Variants in EIF3G observed in about 807,000 individuals in gnomAD.
EIF3G encodes the protein eukaryotic translation initiation factor 3 subunit G.
Under a neutral mutation model 41.7 loss-of-function variants are expected in EIF3G, and 10 were observed. The observed-to-expected ratio is 0.24, with a 90% CI of 0.15 to 0.41. The LOEUF is 0.41. EIF3G is among the 10% of genes least tolerant of loss of function. The pLI is 1.00. For missense variants in EIF3G, 297 were observed against 444.0 expected, an observed-to-expected ratio of 0.67 and a Z score of 2.98; for synonymous variants, 204 against 172.5, an observed-to-expected ratio of 1.18 and a Z score of -1.43.
Position 10,119,888 on chromosome 19 carries a change from G to A in EIF3G, c.-29C>T, listed in dbSNP as rs769820374. 1.8e-5 allele frequency: 29 copies of A among 1,614,078 alleles called. No homozygotes were observed. Among genetic ancestry groups the A allele is most frequent in the Middle Eastern group, 1.7e-4 (1 of 6,050 alleles). On this transcript the variant is annotated 5_prime_UTR_variant, in exon 1 of 11. Transcript: ENST00000253108. ...AAAAAGTATTCTCCACGCAGCCCAAGCCCGGCCAGAGAGCGGAAGCGGGCG... is the reference window on the plus strand; with the variant it reads ...AAAAAGTATTCTCCACGCAGCCCAAACCCGGCCAGAGAGCGGAAGCGGGCG...
At position 10,116,634 on chromosome 19, in the gene EIF3G, C is replaced by G; in HGVS notation, c.595+166G>C. 1.5e-6 allele frequency: 1 copy of G among 669,154 alleles called. No individual in the cohort carries two copies. 41.5% of individuals were successfully genotyped at this position (669,154 alleles called of 1,614,324 possible). On this transcript the variant is annotated intron_variant, in intron 7 of 10. Coordinates refer to ENST00000253108, the MANE Select transcript of EIF3G (RefSeq NM_003755.5). This position sits in a 1 kb window ranked among gnomAD's most constrained non-coding sequence, Gnocchi z 4.1. ...CAAGTCGCACATATATGGGAGACGCCCGTCTCCCAACCATAGGAGGTACAG... is the reference window on the plus strand; with the variant it reads ...CAAGTCGCACATATATGGGAGACGCGCGTCTCCCAACCATAGGAGGTACAG...
chr19:10,116,054 T>C lies in EIF3G; in HGVS notation c.616A>G (p.Thr206Ala). The C allele has an allele frequency of 6.2e-7, 1 of 1,613,934 alleles. No individual in the cohort carries two copies. The highest frequency in any genetic ancestry group is 8.5e-7 in the Non-Finnish European group (1 of 1,179,906). Residue 206 changes from threonine (T) to alanine (A), a missense_variant, in exon 8 of 11, where the codon ACG becomes GCG. Physicochemically the swap from Thr to Ala is moderately conservative, Grantham distance 58. Around this residue, in one of 4 missense-constraint regions of EIF3G, gnomAD observed 33 missense variants for 30.3 expected, o/e 1.09. Coordinates refer to ENST00000253108, the MANE Select transcript of EIF3G (RefSeq NM_003755.5). The surrounding 1 kb of genome is among the most constrained non-coding windows in gnomAD (Gnocchi z 4.1). ...ACATACTTCCCTGTCTTGTTCTGCG[T>C]GGCCTGCACCGGCTCTAGCTCTGGG... ...LPGELEPVQA[T>A]QNKTGKYVPP...
chr19:10,117,855 G>T (rs555062183), intron 5 of EIF3G, among the ~76,000 whole-genome samples: 48 of 152,220 alleles, frequency 3.2e-4, no homozygotes, highest in East Asian at 2.9e-3. Context: ...AGGAGCTGGA[G>T]ACCAGCCTGG....
rs1381280326 is a variant in EIF3G at position 10,116,921 on chromosome 19, G to A, written c.474C>T (p.Arg158=). 1.9e-6 allele frequency: 3 copies of A among 1,613,874 alleles called. No homozygotes were observed. Among genetic ancestry groups the A allele is most frequent in the Non-Finnish European group, 2.5e-6 (3 of 1,179,916 alleles). The part of the protein sequence containing the change: ...KLKGQKIVSC[R]ICKGDHWTTR... ...TGGTCCAGTGGTCGCCCTTGCAGAT[G>A]CGGCAGGACACGATCTTCTGGCCCT... Residue 158 remains arginine (R), a synonymous_variant, in exon 7 of 11, where the codon CGC becomes CGT. Transcript: ENST00000253108. This position sits in a 1 kb window ranked among gnomAD's most constrained non-coding sequence, Gnocchi z 4.1.
In EIF3G at chr19:10,116,526, G is replaced by A. The variant is rs905286556; in HGVS notation, c.595+274C>T. On this transcript the variant is annotated intron_variant, in intron 7 of 10. Transcript: ENST00000253108. This position sits in a 1 kb window ranked among gnomAD's most constrained non-coding sequence, Gnocchi z 4.1. Reference sequence around the variant, plus strand: ...CACTATACACACAGTGCGCACACACGATGTGGGGTGGTCAGCACCCTGGGG... The same window carrying A: ...CACTATACACACAGTGCGCACACACAATGTGGGGTGGTCAGCACCCTGGGG... 3.7e-5 allele frequency: 19 copies of A among 514,840 alleles called. No individual in the cohort carries two copies. Among genetic ancestry groups the A allele is most frequent in the East Asian group, 1.6e-4 (5 of 32,216 alleles). The allele number at this position is 514,840 out of a possible 1,614,324, so 31.9% of individuals were successfully genotyped here.
chr19:10,119,142 C>A lies in EIF3G; in HGVS notation c.97G>T (p.Gly33Trp). The A allele has an allele frequency of 6.3e-7, 1 of 1,597,052 alleles. No homozygotes were observed. The highest frequency in any genetic ancestry group is 2.3e-5 in the East Asian group (1 of 44,116). Residue 33 changes from glycine (G) to tryptophan (W), a missense_variant, in exon 3 of 11, where the codon GGG (glycine) becomes TGG (tryptophan). Gly to Trp is a radical substitution (Grantham distance 184). Transcript: ENST00000253108. ...GTGTCACCTGTGGCCAGAGGGATCC[C>A]CTTGAGGAGCTCGCTGGTGACACAT... Reference protein sequence around the residue: ...DKCVTSELLKGIPLATGDTSP... With the variant: ...DKCVTSELLKWIPLATGDTSP...
At position 10,116,058 on chromosome 19, in the gene EIF3G, C is replaced by T; in HGVS notation, c.612G>A (p.Gln204=). Residue 204 remains glutamine, a synonymous_variant, in exon 8 of 11, where the codon CAG becomes CAA. Transcript: ENST00000253108. This position sits in a 1 kb window ranked among gnomAD's most constrained non-coding sequence, Gnocchi z 4.1. ...ACTTCCCTGTCTTGTTCTGCGTGGC[C>T]TGCACCGGCTCTAGCTCTGGGGACC... ...EKLPGELEPV[Q]ATQNKTGKYV... 1 of 1,613,930 alleles carries T rather than the reference C, an allele frequency of 6.2e-7. No individual in the cohort carries two copies.
Position 10,116,692 on chromosome 19 carries a change from G to C in EIF3G, c.595+108C>G. The C allele has an allele frequency of 1.7e-6, 2 of 1,187,800 alleles. No homozygotes were observed. The highest frequency in any genetic ancestry group is 3.1e-5 in the South Asian group (2 of 65,210). The allele number at this position is 1,187,800 out of a possible 1,614,324, so 73.6% of individuals were successfully genotyped here. ...GGAAGGCACAGACGCCCCGAGGAGA[G>C]TCTGGCACCATCAAACCCGCTGCAC... is the stretch of plus-strand genomic sequence containing the variant. On this transcript the variant is annotated intron_variant, in intron 7 of 10. Transcript: ENST00000253108. This position sits in a 1 kb window ranked among gnomAD's most constrained non-coding sequence, Gnocchi z 4.1.
At chr19:10,119,203 G>A (rs1377433948) in intron 2 of EIF3G, 32 bp from the exon 3 acceptor site, 3 of 1,554,596 alleles carry the variant, frequency 1.9e-6, no homozygotes, top group East Asian at 2.4e-5. Flanking sequence ...GGAGGAGTCA[G>A]CTCCAGGGGC....
At chr19:10,119,567 A>C (rs763234430) in intron 2 of EIF3G, 87 bp downstream of exon 2, 111 of 1,472,894 alleles carry the variant, frequency 7.5e-5, no homozygotes, top group Non-Finnish European at 1.0e-4. Flanking sequence ...GACGGGGTAC[A>C]CGGTGCCAGA....
intron 5 of EIF3G, 73 bp from the exon 6 acceptor site, chr19:10,117,261 C>G: frequency 9.2e-7 from 1 of 1,087,918 alleles, no homozygotes; most frequent in East Asian, 2.5e-5. Context: ...TGCCCTAGAC[C>G]TACAACAGCC....
rs535218589 is a variant in EIF3G, at chr19:10,116,721, C to G, written c.595+79G>C. On this transcript the variant is annotated intron_variant, in intron 7 of 10. Coordinates refer to ENST00000253108, the MANE Select transcript of EIF3G (RefSeq NM_003755.5). The surrounding 1 kb of genome is among the most constrained non-coding windows in gnomAD (Gnocchi z 4.1). ...GGCACCATCAAACCCGCTGCACTGTCGTGCGGGAGATGACAGCACGAAGGC... is the reference window on the plus strand; with the variant it reads ...GGCACCATCAAACCCGCTGCACTGTGGTGCGGGAGATGACAGCACGAAGGC... 1 of 1,407,778 alleles carries G rather than the reference C, an allele frequency of 7.1e-7. No homozygotes were observed. The highest frequency in any genetic ancestry group is 9.6e-7 in the Non-Finnish European group (1 of 1,044,916). 87.2% of individuals were successfully genotyped at this position (1,407,778 alleles called of 1,614,324 possible).
rs545097687 is a variant in EIF3G at position 10,118,853 on chromosome 19, A to AC, written c.240+14dup. 11 of 1,603,812 alleles carry AC rather than the reference A, an allele frequency of 6.9e-6. No individual in the cohort carries two copies. The highest frequency in any genetic ancestry group is 6.7e-5 in the East Asian group (3 of 44,648). On this transcript the variant is annotated intron_variant, in intron 4 of 10. Transcript: ENST00000253108. Reference sequence around the variant, plus strand: ...AAGCACAAGGGTCCCCACTCCCTGCACCCCCCACCCTCACCTTGAACTTCT... The same window carrying AC: ...AAGCACAAGGGTCCCCACTCCCTGCACCCCCCCACCCTCACCTTGAACTTCT...
At position 10,116,379 on chromosome 19, in the gene EIF3G, G is replaced by A; in HGVS notation, c.596-305C>T. ...AACGGCAGACATGGGACACACAACA[G>A]GAACAGCGCCCAGGTCCCCCTCGCG... On this transcript the variant is annotated intron_variant, in intron 7 of 10. Transcript: ENST00000253108. The surrounding 1 kb of genome is among the most constrained non-coding windows in gnomAD (Gnocchi z 4.1). 1.9e-6 allele frequency: 1 copy of A among 527,848 alleles called. No individual in the cohort carries two copies. Among genetic ancestry groups the A allele is most frequent in the African/African-American group, 1.9e-5 (1 of 52,490 alleles). 32.7% of individuals were successfully genotyped at this position (527,848 alleles called of 1,614,324 possible).
intron 5 of EIF3G, chr19:10,117,568 A>C: frequency 9.6e-6 from 2 of 208,414 alleles, no homozygotes; most frequent in Non-Finnish European, 9.5e-6. Flanking sequence ...GGAACCACAA[A>C]AGCTTCCTGC....
rs28510792 is a variant in EIF3G, at chr19:10,116,025, C to T, written c.645G>A (p.Pro215=). 6.0e-3 allele frequency: 9,684 copies of T among 1,613,876 alleles called. 401 individuals carry two copies. The African/African-American group carries it at 0.099, about 16-fold the overall frequency. ...ATQNKTGKYV[P]PSLRDGASRR... ...GGCTGGCCCCGTCGCGCAGGCTCGGCGGCACATACTTCCCTGTCTTGTTCT... is the reference window on the plus strand; with the variant it reads ...GGCTGGCCCCGTCGCGCAGGCTCGGTGGCACATACTTCCCTGTCTTGTTCT... Residue 215 remains proline (P), a synonymous_variant, in exon 8 of 11, where the codon CCG becomes CCA. Coordinates refer to ENST00000253108, the MANE Select transcript of EIF3G (RefSeq NM_003755.5). The surrounding 1 kb of genome is among the most constrained non-coding windows in gnomAD (Gnocchi z 4.1).
chr19:10,118,527 T>C (rs1440743708), intron 5 of EIF3G, 141 bp downstream of exon 5: 5 of 915,590 alleles, frequency 5.5e-6, no homozygotes, highest in Non-Finnish European at 8.4e-6. Context: ...ATCGTGCCAC[T>C]GCACTTCAGC....
At chr19:10,119,495 A>C in intron 2 of EIF3G, 159 bp downstream of exon 2, 1 of 941,974 alleles carries the variant, frequency 1.1e-6, no homozygotes, top group Non-Finnish European at 1.7e-6. Context: ...CCCGCCGGGG[A>C]ACACCTGGAG....
chr19:10,115,678 G>T lies in EIF3G; in HGVS notation c.840+6C>A. 1.9e-6 allele frequency: 3 copies of T among 1,603,564 alleles called. No homozygotes were observed. Among genetic ancestry groups the T allele is most frequent in the Non-Finnish European group, 2.6e-6 (3 of 1,173,558 alleles). On this transcript the variant is annotated splice_donor_region_variant and intron_variant, in intron 9 of 10. Transcript: ENST00000253108. ...ACAGCCCCACCGTGCCTGCCTGCCT[G>T]CCCACCTTGGATTGGCCAGTGGTCT...
Sources: gnomAD v4.1 joint callset for allele counts (sites outside exome capture counted in the v4.1 genomes callset) on GRCh38, gnomAD v4.1.1 for gene constraint, gnomAD v4.1.1 regional missense constraint, Gnocchi (gnomAD v3.1) non-coding constraint, MANE v1.5 for transcripts, NCBI Gene and HGNC (gene_info 2026-07-23, HGNC 2026-07-21) for gene names.